GABRG3: variants seen among roughly 807,000 people sequenced by gnomAD.
GABRG3 encodes the protein gamma-aminobutyric acid receptor subunit gamma-3.
A neutral mutation model predicts 48.8 loss-of-function variants in GABRG3; 25 were observed. The ratio of observed to expected loss-of-function variants is 0.51; its 90% CI spans 0.37 to 0.72. The LOEUF is 0.72. Ranked by LOEUF, GABRG3 falls within the 30% of genes least tolerant of loss-of-function variation. GABRG3 has a pLI of 0.00. For synonymous variants in GABRG3, 227 were observed against 217.6 expected, an observed-to-expected ratio of 1.04 and a Z score of -0.38; for missense variants, 394 against 577.9, an observed-to-expected ratio of 0.68 and a Z score of 3.26.
At chr15:27,185,710 C>G (rs1039411328) in intron 3 of GABRG3, among the ~76,000 whole-genome samples, 1 of 151,998 alleles carries the variant, frequency 6.6e-6, no homozygotes, top group African/African-American at 2.4e-5. Flanking sequence ...TATTTTGATG[C>G]TTTTGTTTGG....
chr15:27,520,180 C>A, intron 7 of GABRG3, 56 bp downstream of exon 7: 1 of 1,442,922 alleles, frequency 6.9e-7, no homozygotes, highest in Non-Finnish European at 9.5e-7. Flanking sequence ...TAGAAGCATT[C>A]ATAAAAAATA....
chr15:27,295,390 C>G (rs1445204994), intron 3 of GABRG3, among the ~76,000 whole-genome samples: 1 of 152,078 alleles, frequency 6.6e-6, no homozygotes, highest in Non-Finnish European at 1.5e-5. Flanking sequence ...CTCCTGTAAC[C>G]ATTTCAAAAG....
In GABRG3 at chr15:27,541,111, A is replaced by G. The variant is rs903596555; in HGVS notation, c.*8230A>G. ...AAAGGAAAAGAAATCCAGCTTCACT[A>G]CCTGATCAGGAGTCCCTCTGGGGTC... On this transcript the variant is annotated 3_prime_UTR_variant, in exon 10 of 10. Coordinates refer to ENST00000615808, the MANE Select transcript of GABRG3 (RefSeq NM_033223.5). 6 of 152,246 alleles carry G rather than the reference A, an allele frequency of 3.9e-5. No individual in the cohort carries two copies. Among genetic ancestry groups the G allele is most frequent in the African/African-American group, 1.4e-4 (6 of 41,452 alleles). The allele number at this position is 152,246 out of a possible 1,614,324, so 9.4% of individuals were successfully genotyped here. A position where few individuals can be genotyped will look rare whatever the true frequency, so the allele number is the denominator to read the frequency against.
intron 5 of GABRG3, among the ~76,000 whole-genome samples, chr15:27,410,620 G>A (rs1285582840): frequency 2.0e-5 from 3 of 152,102 alleles, no homozygotes; most frequent in African/African-American, 4.8e-5. Flanking sequence ...GTGAATCCAA[G>A]GTACTGTCTA....
At chr15:27,039,735 C>A (rs994303967) in intron 3 of GABRG3, among the ~76,000 whole-genome samples, 2 of 152,220 alleles carry the variant, frequency 1.3e-5, no homozygotes, top group African/African-American at 4.8e-5. Flanking sequence ...TTTTATGAGG[C>A]AGAACTGTAT....
chr15:27,228,861 T>G (rs375536797), intron 3 of GABRG3, among the ~76,000 whole-genome samples: 1 of 152,364 alleles, frequency 6.6e-6, no homozygotes, highest in South Asian at 2.1e-4. Flanking sequence ...ATGTATGTCT[T>G]CTTTTGAGAA....
At chr15:27,367,960 G>T (rs1022451399) in intron 5 of GABRG3, among the ~76,000 whole-genome samples, 2 of 152,058 alleles carry the variant, frequency 1.3e-5, no homozygotes, top group Non-Finnish European at 2.9e-5. Flanking sequence ...CTCTCTCTCT[G>T]CTCTGTCTCC....
At chr15:27,146,828 GCACTATAAAATATTCATTTAACACAAA>G (rs1436886672) in intron 3 of GABRG3, among the ~76,000 whole-genome samples, 4 of 152,106 alleles carry the variant, frequency 2.6e-5, no homozygotes, top group Non-Finnish European at 5.9e-5. Flanking sequence ...TTAAAGTGAT[GCACTATAAAATATTCATTTAACACAAA>G]AGAAGGCAAA....
intron 3 of GABRG3, among the ~76,000 whole-genome samples, chr15:27,124,196 T>C (rs1306340814): frequency 6.6e-6 from 1 of 152,234 alleles, no homozygotes. Context: ...TAGACACTTC[T>C]GGATATTGTA....
At chr15:27,507,588 T>G (rs937702499) in intron 6 of GABRG3, among the ~76,000 whole-genome samples, 1 of 152,194 alleles carries the variant, frequency 6.6e-6, no homozygotes, top group Non-Finnish European at 1.5e-5. Flanking sequence ...TGTTCTATTT[T>G]GCCGAACATT....
chr15:27,488,720 T>C (rs1172865588), intron 6 of GABRG3, among the ~76,000 whole-genome samples: 2 of 152,122 alleles, frequency 1.3e-5, no homozygotes, highest in African/African-American at 4.8e-5. Context: ...GATAAATATA[T>C]CCCTTTGCAA....
At chr15:27,491,569 C>T (rs1467519024) in intron 6 of GABRG3, among the ~76,000 whole-genome samples, 1 of 152,148 alleles carries the variant, frequency 6.6e-6, no homozygotes, top group Admixed American at 6.5e-5. Flanking sequence ...GCTATCCATC[C>T]GTTAATCTTT....
chr15:27,440,374 G>C (rs1433417216), intron 5 of GABRG3, among the ~76,000 whole-genome samples: 1 of 152,168 alleles, frequency 6.6e-6, no homozygotes, highest in Non-Finnish European at 1.5e-5. Flanking sequence ...CTTCATCAGT[G>C]AACCTTTTTT....
chr15:27,524,216 G>A (rs552241981), intron 7 of GABRG3, among the ~76,000 whole-genome samples: 1 of 152,226 alleles, frequency 6.6e-6, no homozygotes, highest in African/African-American at 2.4e-5. Flanking sequence ...CAAGGAGGAA[G>A]TAGCACAGCA....
chr15:27,402,590 TG>T (rs1329878774), intron 5 of GABRG3, among the ~76,000 whole-genome samples: 1 of 152,226 alleles, frequency 6.6e-6, no homozygotes, highest in African/African-American at 2.4e-5. Flanking sequence ...CCTTCCAGGA[TG>T]GGAAGCTCAG....
At chr15:27,195,307 C>T (rs1218369489) in intron 3 of GABRG3, among the ~76,000 whole-genome samples, 1 of 152,078 alleles carries the variant, frequency 6.6e-6, no homozygotes, top group African/African-American at 2.4e-5. Flanking sequence ...TTTGTTTTCT[C>T]TTTCTCTCCC....
chr15:27,033,302 T>C (rs1896119194), intron 3 of GABRG3, among the ~76,000 whole-genome samples: 1 of 152,176 alleles, frequency 6.6e-6, no homozygotes, highest in Non-Finnish European at 1.5e-5. Flanking sequence ...TTTTGGCTTC[T>C]TCAGATGGAT....
intron 3 of GABRG3, among the ~76,000 whole-genome samples, chr15:27,121,874 C>G (rs1897737748): frequency 6.6e-6 from 1 of 152,112 alleles, no homozygotes. Context: ...AAGACAAACA[C>G]CACATGTTCT....
At chr15:27,407,913 A>G (rs776679554) in intron 5 of GABRG3, among the ~76,000 whole-genome samples, 21 of 152,234 alleles carry the variant, frequency 1.4e-4, no homozygotes, top group Admixed American at 1.2e-3. Context: ...ATGTTTGTCC[A>G]GATCCATAGA....
Sources: allele counts gnomAD v4.1 joint callset (sites outside exome capture counted in the v4.1 genomes callset), GRCh38; gene constraint gnomAD v4.1.1; transcripts MANE v1.5; gene names NCBI Gene and HGNC (gene_info 2026-07-23, HGNC 2026-07-21).